Variants in RELN observed in about 807,000 individuals in gnomAD.
The protein encoded by RELN is reelin.
RELN carries 108 observed loss-of-function variants against 427.6 expected under a neutral mutation model. The observed-to-expected ratio is 0.25, with a 90% CI of 0.22 to 0.30. The LOEUF is 0.30. RELN is among the 10% of genes least tolerant of loss of function. The probability of loss-of-function intolerance (pLI) is 1.00; values close to 1 mark genes in which losing one functional copy is unlikely to be tolerated. For synonymous variants in RELN, 1,524 were observed against 1,513.4 expected (o/e 1.01, Z -0.16); for missense variants, 3,715 against 4,302.8 (o/e 0.86, Z 3.82).
chr7:103,649,085 G>A (rs1471344865), intron 16 of RELN, among the ~76,000 whole-genome samples: 2 of 151,950 alleles, frequency 1.3e-5, no homozygotes, highest in African/African-American at 4.8e-5. Context: ...TCACTACTGA[G>A]TATCTACCCA....
intron 12 of RELN, among the ~76,000 whole-genome samples, chr7:103,658,334 C>G (rs1833066575): frequency 6.6e-6 from 1 of 152,106 alleles, no homozygotes; most frequent in African/African-American, 2.4e-5. Flanking sequence ...GATTAACAAT[C>G]AGTCTGATTT....
rs1041249676 is a variant in RELN at position 103,644,820 on chromosome 7, T to C, written c.2003-4211A>G. Among the ~76,000 whole-genome samples the C allele has an allele frequency of 2.6e-5, 4 of 151,860 alleles. No individual in the cohort carries two copies. The East Asian group carries it at 5.8e-4, about 22-fold the overall frequency. On this transcript the variant is annotated intron_variant, in intron 16 of 64. Transcript: ENST00000428762. ...ACATTGTAAGGATGTCACCAAGTTA[T>C]ATAGTCATCAGACTATCTAGAGACA...
At chr7:103,657,046 T>C (rs1420632431) in intron 12 of RELN, among the ~76,000 whole-genome samples, 1 of 152,090 alleles carries the variant, frequency 6.6e-6, no homozygotes, top group Non-Finnish European at 1.5e-5. Context: ...TTGCAAAGCA[T>C]TGAAATCTGG....
Position 103,611,704 on chromosome 7 carries a change from C to T in RELN, c.2802G>A (p.Met934Ile), listed in dbSNP as rs974857102. 3 of 1,613,754 alleles carry T rather than the reference C, an allele frequency of 1.9e-6. No homozygotes were observed. The highest frequency in any genetic ancestry group is 1.3e-5 in the African/African-American group (1 of 74,912). Residue 934 changes from methionine (M) to isoleucine (I), a missense_variant, in exon 21 of 65, where the codon ATG becomes ATA. Coordinates refer to ENST00000428762, the MANE Select transcript of RELN (RefSeq NM_005045.4). ...GTGGGGTGTATTTCTGGCCACATCC[C>T]ATCACCAAACTGAACTGAATCATAT... Reference protein sequence around the residue: ...ASYMIQFSLVMGCGQKYTPHM... With the variant: ...ASYMIQFSLVIGCGQKYTPHM...
chr7:103,534,662 A>C (rs1185987685), intron 46 of RELN, among the ~76,000 whole-genome samples: 1 of 151,218 alleles, frequency 6.6e-6, no homozygotes, highest in African/African-American at 2.4e-5. Context: ...TAATTTTTTA[A>C]TTTTTTTTGT....
rs375680075 is a variant in RELN, at chr7:103,557,171, A to G, written c.5615-12T>C. The stretch of plus-strand genomic sequence containing the variant: ...TCTCTCTGGGGTACCTAGGAAGAAG[A>G]TAACACAGGTATAAAACATACTGTG... On this transcript the variant is annotated splice_polypyrimidine_tract_variant and intron_variant, in intron 37 of 64. Coordinates refer to ENST00000428762, the MANE Select transcript of RELN (RefSeq NM_005045.4). 1.0e-4 allele frequency: 165 copies of G among 1,601,044 alleles called. 1 individual carries two copies. The African/African-American group carries it at 2.0e-3, about 19-fold the overall frequency.
intron 4 of RELN, among the ~76,000 whole-genome samples, chr7:103,774,829 C>G (rs1002931155): frequency 5.9e-5 from 9 of 152,060 alleles, no homozygotes; most frequent in Non-Finnish European, 1.0e-4. Flanking sequence ...GAGTTAGATG[C>G]TATTGAAAAG....
chr7:103,594,290 G>A, intron 26 of RELN, 31 bp downstream of exon 26: 1 of 1,588,996 alleles, frequency 6.3e-7, no homozygotes, highest in Non-Finnish European at 8.6e-7. Context: ...ATAATTATCT[G>A]TCTTCTTGGA....
Position 103,898,332 on chromosome 7 carries a change from A to G in RELN, c.337+18743T>C, listed in dbSNP as rs572612863. Among the ~76,000 whole-genome samples, 6 of 152,164 alleles carry G rather than the reference A, an allele frequency of 3.9e-5. No individual in the cohort carries two copies. In the South Asian group the frequency reaches 1.0e-3, roughly 26 times the overall value. On this transcript the variant is annotated intron_variant, in intron 2 of 64. Coordinates refer to ENST00000428762, the MANE Select transcript of RELN (RefSeq NM_005045.4). Reference sequence around the variant, plus strand: ...TATACTAGTCCTTGCTCTTAATATGATAACTTATTTAATCATTTCCCTATT... The same window carrying G: ...TATACTAGTCCTTGCTCTTAATATGGTAACTTATTTAATCATTTCCCTATT...
intron 3 of RELN, among the ~76,000 whole-genome samples, chr7:103,798,506 G>A (rs898244654): frequency 2.0e-5 from 3 of 152,122 alleles, no homozygotes; most frequent in African/African-American, 7.2e-5. Flanking sequence ...CAGTTATAAG[G>A]CCAGGAAGAA....
chr7:103,950,730 T>G (rs1796314551), intron 1 of RELN, among the ~76,000 whole-genome samples: 1 of 152,204 alleles, frequency 6.6e-6, no homozygotes, highest in South Asian at 2.1e-4. Flanking sequence ...TATAAACAAT[T>G]TTGACTTTTA....
At chr7:103,850,585 C>T (rs191063935) in intron 2 of RELN, among the ~76,000 whole-genome samples, 47 of 152,178 alleles carry the variant, frequency 3.1e-4, no homozygotes, top group African/African-American at 7.2e-4. Context: ...TTGAATGGGG[C>T]GAGAAGCCTC....
At chr7:103,572,334 T>A in intron 30 of RELN, 74 bp from the exon 31 acceptor site, 2 of 834,758 alleles carry the variant, frequency 2.4e-6, no homozygotes, top group Non-Finnish European at 4.2e-6. Context: ...TTTTGACACA[T>A]TAGAAAAAAA....
At chr7:103,946,100 C>G (rs1162762120) in intron 1 of RELN, among the ~76,000 whole-genome samples, 1 of 152,188 alleles carries the variant, frequency 6.6e-6, no homozygotes, top group Non-Finnish European at 1.5e-5. Context: ...AAAGCACTGA[C>G]TGTGTTTGCC....
At chr7:103,617,513 T>C (rs1832108795) in intron 20 of RELN, among the ~76,000 whole-genome samples, 1 of 151,962 alleles carries the variant, frequency 6.6e-6, no homozygotes. Context: ...TATATATGTG[T>C]GTGTGTATAT....
chr7:103,839,530 T>A lies in RELN; in HGVS notation c.338-5858A>T, dbSNP rs192835718. On this transcript the variant is annotated intron_variant, in intron 2 of 64. Coordinates refer to ENST00000428762, the MANE Select transcript of RELN (RefSeq NM_005045.4). ...TATATAAAAGAAATAGAGAACATAG[T>A]CCTTGCCCTGATATGACTTGAGCTG... Among the ~76,000 whole-genome samples, 28 of 152,210 alleles carry A rather than the reference T, an allele frequency of 1.8e-4. 1 individual carries two copies. Among genetic ancestry groups the A allele is most frequent in the Admixed American group, 1.8e-3 (27 of 15,272 alleles).
At chr7:103,511,127 A>T in intron 50 of RELN, 122 bp from the exon 51 acceptor site, 1 of 716,820 alleles carries the variant, frequency 1.4e-6, no homozygotes, top group Non-Finnish European at 2.5e-6. Context: ...TATACACTCT[A>T]TAGACAAAAC....
chr7:103,535,085 A>C (rs1397986234), intron 46 of RELN, among the ~76,000 whole-genome samples: 1 of 152,216 alleles, frequency 6.6e-6, no homozygotes, highest in Non-Finnish European at 1.5e-5. Flanking sequence ...TAAAAATATT[A>C]GAGTTAAAAG....
intron 4 of RELN, among the ~76,000 whole-genome samples, chr7:103,772,614 G>A (rs975612365): frequency 6.6e-6 from 1 of 152,184 alleles, no homozygotes; most frequent in African/African-American, 2.4e-5. Flanking sequence ...TCTCTGGAGG[G>A]AGGGAGTGAT....
Sources: allele counts gnomAD v4.1 joint callset (sites outside exome capture counted in the v4.1 genomes callset), GRCh38; gene constraint gnomAD v4.1.1; transcripts MANE v1.5; gene names NCBI Gene and HGNC (gene_info 2026-07-23, HGNC 2026-07-21).